Variants in CSMD1 observed in about 807,000 individuals in gnomAD.
CSMD1 encodes CUB and sushi domain-containing protein 1.
CSMD1 carries 213 observed loss-of-function variants against 417.5 expected under a neutral mutation model. The ratio of observed to expected loss-of-function variants is 0.51; its 90% confidence interval spans 0.46 to 0.57. The LOEUF is 0.57. CSMD1 is among the 20% of genes least tolerant of loss of function. CSMD1 has a pLI of 0.00. For missense variants in CSMD1, 6,923 were observed against 4,529.7 expected (o/e 1.53, Z -15.17); for synonymous variants, 2,862 against 1,736.8 (o/e 1.65, Z -16.11).
chr8:4,242,140 G>C (rs1802441769), intron 3 of CSMD1, among the ~76,000 whole-genome samples: 1 of 152,048 alleles, frequency 6.6e-6, no homozygotes, highest in Non-Finnish European at 1.5e-5. Flanking sequence ...GTCTTTCTTA[G>C]CATATATCCA....
intron 2 of CSMD1, among the ~76,000 whole-genome samples, chr8:4,625,565 C>A (rs1329959826): frequency 1.3e-5 from 2 of 151,946 alleles, no homozygotes; most frequent in African/African-American, 2.4e-5. Flanking sequence ...TTCCCTGCCT[C>A]CCCTGGCTCT....
chr8:3,424,929 G>C (rs1018201662), intron 12 of CSMD1, among the ~76,000 whole-genome samples: 10 of 152,092 alleles, frequency 6.6e-5, no homozygotes, highest in African/African-American at 2.4e-4. Flanking sequence ...CAGGCTCCTG[G>C]GCTCAAGTGA....
chr8:4,530,114 C>T (rs890942395), intron 2 of CSMD1, among the ~76,000 whole-genome samples: 1 of 151,478 alleles, frequency 6.6e-6, no homozygotes, highest in African/African-American at 2.4e-5. Flanking sequence ...GGGGTTTCAC[C>T]GTGTTAGCCA....
At chr8:3,581,871 C>G (rs998601865) in intron 9 of CSMD1, among the ~76,000 whole-genome samples, 12 of 152,088 alleles carry the variant, frequency 7.9e-5, no homozygotes, top group African/African-American at 2.9e-4. Flanking sequence ...GTGGCACGAT[C>G]TCTGCTTACT....
chr8:3,976,733 T>G (rs1385065418), intron 5 of CSMD1, among the ~76,000 whole-genome samples: 1 of 152,182 alleles, frequency 6.6e-6, no homozygotes, highest in African/African-American at 2.4e-5. Context: ...CCCTATGAAG[T>G]GGGCCCCATT....
At chr8:4,108,574 A>C (rs1801690166) in intron 3 of CSMD1, among the ~76,000 whole-genome samples, 1 of 152,182 alleles carries the variant, frequency 6.6e-6, no homozygotes, top group African/African-American at 2.4e-5. Context: ...CTGATATGCC[A>C]TCCCTTTAGA....
chr8:4,218,158 T>A (rs983889229), intron 3 of CSMD1, among the ~76,000 whole-genome samples: 1 of 152,190 alleles, frequency 6.6e-6, no homozygotes, highest in Non-Finnish European at 1.5e-5. Context: ...TGCTGAACGT[T>A]CTAGTAATGG....
At chr8:3,217,451 G>C (rs1407039992) in intron 29 of CSMD1, among the ~76,000 whole-genome samples, 1 of 152,170 alleles carries the variant, frequency 6.6e-6, no homozygotes, top group Non-Finnish European at 1.5e-5. Flanking sequence ...GGGAGAACAG[G>C]AGTTGTCAGA....
intron 3 of CSMD1, among the ~76,000 whole-genome samples, chr8:4,076,754 G>C (rs947174620): frequency 6.6e-6 from 1 of 152,098 alleles, no homozygotes; most frequent in African/African-American, 2.4e-5. Flanking sequence ...CCTGGGGAAT[G>C]ACCTCACATT....
At chr8:2,969,005 A>G (rs1195478315) in intron 57 of CSMD1, among the ~76,000 whole-genome samples, 1 of 152,162 alleles carries the variant, frequency 6.6e-6, no homozygotes, top group Non-Finnish European at 1.5e-5. Flanking sequence ...TTTGCATGCT[A>G]CATGACAAAA....
At chr8:4,488,840 T>G (rs980189490) in intron 2 of CSMD1, among the ~76,000 whole-genome samples, 2 of 152,234 alleles carry the variant, frequency 1.3e-5, no homozygotes, top group African/African-American at 4.8e-5. Context: ...AGTTCCTTCC[T>G]GATTCCCCTG....
chr8:3,762,380 GATCAGGCAGCTCCTCCTTGGCT>G (rs1798055769), intron 5 of CSMD1, among the ~76,000 whole-genome samples: 1 of 152,166 alleles, frequency 6.6e-6, no homozygotes, highest in Non-Finnish European at 1.5e-5. Flanking sequence ...TGATCTCTAA[GATCAGGCAGCTCCTCCTTGGCT>G]ATGCCCTCTC....
intron 3 of CSMD1, among the ~76,000 whole-genome samples, chr8:4,388,004 G>A (rs1241026446): frequency 6.6e-6 from 1 of 152,026 alleles, no homozygotes; most frequent in Admixed American, 6.6e-5. Flanking sequence ...ACACATAATT[G>A]AATCCATTTA....
chr8:3,406,017 G>T lies in CSMD1; in HGVS notation c.2266+10C>A. The T allele has an allele frequency of 6.2e-7, 1 of 1,611,230 alleles. No homozygotes were observed. The highest frequency in any genetic ancestry group is 2.2e-5 in the East Asian group (1 of 44,862). ...CAAAGGAGAAGAGCGGGGGGTGGCA[G>T]GGACTGCACCTTCACAGCGGGGCAC... On this transcript the variant is annotated intron_variant, in intron 15 of 69. Coordinates refer to ENST00000635120, the MANE Select transcript of CSMD1 (RefSeq NM_033225.6).
At chr8:4,216,290 T>G (rs187945552) in intron 3 of CSMD1, among the ~76,000 whole-genome samples, 1 of 152,130 alleles carries the variant, frequency 6.6e-6, no homozygotes. Flanking sequence ...TCCCTGTGGT[T>G]GCCTAGTCAA....
chr8:3,076,778 G>C (rs1291505489), intron 49 of CSMD1, among the ~76,000 whole-genome samples: 2 of 152,194 alleles, frequency 1.3e-5, no homozygotes, highest in African/African-American at 4.8e-5. Context: ...CCCAGGCTTT[G>C]CGCAAAATGC....
chr8:4,279,779 G>T (rs896276556), intron 3 of CSMD1, among the ~76,000 whole-genome samples: 1 of 152,210 alleles, frequency 6.6e-6, no homozygotes, highest in African/African-American at 2.4e-5. Context: ...GTAAGATATG[G>T]AGGAGGCCAG....
intron 8 of CSMD1, among the ~76,000 whole-genome samples, chr8:3,602,160 T>A (rs1337415478): frequency 4.6e-5 from 7 of 152,222 alleles, no homozygotes; most frequent in Non-Finnish European, 1.0e-4. Context: ...ATTATGTGGA[T>A]TTTATCACAA....
At chr8:4,336,462 G>C (rs1031119403) in intron 3 of CSMD1, among the ~76,000 whole-genome samples, 1 of 152,164 alleles carries the variant, frequency 6.6e-6, no homozygotes, top group African/African-American at 2.4e-5. Context: ...GCTATGTGTA[G>C]ATGTTTGAGC....
Sources: allele counts gnomAD v4.1 joint callset (sites outside exome capture counted in the v4.1 genomes callset), GRCh38; gene constraint gnomAD v4.1.1; transcripts MANE v1.5; gene names NCBI Gene and HGNC (gene_info 2026-07-23, HGNC 2026-07-21).